CRB1: variants seen among roughly 807,000 people sequenced by gnomAD.
CRB1 encodes the protein crumbs cell polarity complex component 1.
CRB1 carries 83 observed loss-of-function variants against 120.0 expected under a neutral mutation model. That is an observed-to-expected ratio of 0.69 (90% CI 0.58 to 0.83). The LOEUF is 0.83. Among genes scored for constraint, CRB1 ranks in the 40% least tolerant of loss-of-function variants. The pLI, the probability that CRB1 is intolerant of heterozygous loss-of-function variation, is 0.00. For missense variants in CRB1, 1,699 were observed against 1,687.6 expected (o/e 1.01, Z -0.12); for synonymous variants, 625 against 612.5 (o/e 1.02, Z -0.30).
chr1:197,252,538 TTATATATATATATATATA>T, the CRB1 span, among the ~76,000 whole-genome samples: 14 of 27,820 alleles, frequency 5.0e-4, no homozygotes, highest in East Asian at 3.2e-3. Context: ...CCAATAGATT[TTATATATATATATATATA>T]TATATATATA....
chr1:197,318,620 AT>A (rs1326824767), intron 1 of CRB1, among the ~76,000 whole-genome samples: 1 of 152,206 alleles, frequency 6.6e-6, no homozygotes, highest in Non-Finnish European at 1.5e-5. Flanking sequence ...CAATTTTTAA[AT>A]GGATTTAAAA....
chr1:197,335,296 T>C (rs1659087503), intron 2 of CRB1, among the ~76,000 whole-genome samples: 1 of 152,168 alleles, frequency 6.6e-6, no homozygotes, highest in Non-Finnish European at 1.5e-5. Context: ...TGGGATGTTA[T>C]TGGAGAGTTC....
At chr1:197,261,418 A>G in the CRB1 span, among the ~76,000 whole-genome samples, 1 of 152,276 alleles carries the variant, frequency 6.6e-6, no homozygotes, top group African/African-American at 2.4e-5. Flanking sequence ...GCCGCGTGGC[A>G]TTAAAAAGTA....
At chr1:197,269,293 A>T (rs1182434376) in intron 1 of CRB1, among the ~76,000 whole-genome samples, 4 of 152,224 alleles carry the variant, frequency 2.6e-5, no homozygotes, top group Non-Finnish European at 5.9e-5. Context: ...GTTGAACAAG[A>T]CAACTTGGCA....
In CRB1 at chr1:197,477,745, A is replaced by G; in HGVS notation, c.4087A>G (p.Ile1363Val). The change falls in exon 12 of 12, where the codon ATT (isoleucine) becomes GTT (valine). Residue 1363 changes from isoleucine to valine, a missense_variant. Transcript: ENST00000367400. ...VALLLILLLA[I>V]VASVVTSNKR... Reference sequence around the variant, plus strand: ...CTTGTTACTGATCCTCTTGCTGGCCATTGTTGCTTCTGTTGTCACCTCCAA... The same window carrying G: ...CTTGTTACTGATCCTCTTGCTGGCCGTTGTTGCTTCTGTTGTCACCTCCAA... 6.2e-7 allele frequency: 1 copy of G among 1,613,880 alleles called. No homozygotes were observed. The highest frequency in any genetic ancestry group is 1.3e-5 in the African/African-American group (1 of 75,024).
chr1:197,440,080 G>A (rs886821008), intron 10 of CRB1: 3 of 152,082 alleles, frequency 2.0e-5, no homozygotes, highest in East Asian at 1.9e-4. Context: ...AACTGAGATC[G>A]TTTAGTTGTA....
chr1:197,394,470 G>A (rs1168169950), intron 5 of CRB1, among the ~76,000 whole-genome samples: 1 of 151,810 alleles, frequency 6.6e-6, no homozygotes, highest in African/African-American at 2.4e-5. Context: ...CGGCATCCCA[G>A]CCCCCATGAT....
At chr1:197,247,938 G>A in the CRB1 span, among the ~76,000 whole-genome samples, 1 of 151,834 alleles carries the variant, frequency 6.6e-6, no homozygotes, top group Admixed American at 6.6e-5. Flanking sequence ...ATTAAATCTA[G>A]AAACATAGAT....
At chr1:197,469,746 C>T (rs753053220) in intron 11 of CRB1, among the ~76,000 whole-genome samples, 30 of 152,200 alleles carry the variant, frequency 2.0e-4, no homozygotes, top group Non-Finnish European at 3.5e-4. Flanking sequence ...TCACATGTAG[C>T]AAATGATAGC....
In CRB1 at chr1:197,456,428, C is replaced by T. The variant is rs528219181; in HGVS notation, c.4005+14136C>T. On this transcript the variant is annotated intron_variant, in intron 11 of 11. Coordinates refer to ENST00000367400, the MANE Select transcript of CRB1 (RefSeq NM_201253.3). ...GTGTGAATGTTTTTATTCATCCTGCCCCATAGTTACTGAAATTAAGATGAA... is the reference window on the plus strand; with the variant it reads ...GTGTGAATGTTTTTATTCATCCTGCTCCATAGTTACTGAAATTAAGATGAA... Among the ~76,000 whole-genome samples the T allele has an allele frequency of 1.3e-4, 19 of 151,912 alleles. No homozygotes were observed. The South Asian group carries it at 4.0e-3, about 32-fold the overall frequency.
chr1:197,404,441 CAAAAAA>C (rs558125777), intron 5 of CRB1, among the ~76,000 whole-genome samples: 2 of 58,718 alleles, frequency 3.4e-5, no homozygotes, highest in African/African-American at 1.2e-4. Flanking sequence ...GACTCCGTCT[CAAAAAA>C]AAAAAAAAAA....
intron 2 of CRB1, among the ~76,000 whole-genome samples, chr1:197,338,083 CA>C (rs1198760864): frequency 2.6e-5 from 4 of 151,696 alleles, no homozygotes; most frequent in Non-Finnish European, 5.9e-5. Flanking sequence ...AAAATTAAAG[CA>C]TAAACCATTC....
rs757342815 is a variant in CRB1, at chr1:197,477,751, G to A, written c.4093G>A (p.Ala1365Thr). 4 of 1,613,740 alleles carry A rather than the reference G, an allele frequency of 2.5e-6. No individual in the cohort carries two copies. The African/African-American group carries it at 5.3e-5, about 22-fold the overall frequency. Residue 1365 changes from alanine (A) to threonine (T), a missense_variant, in exon 12 of 12, where the codon GCT (alanine) becomes ACT (threonine). Physicochemically the swap from Ala to Thr is moderately conservative, Grantham distance 58. Transcript: ENST00000367400. ...ACTGATCCTCTTGCTGGCCATTGTTGCTTCTGTTGTCACCTCCAACAAAAG... is the reference window on the plus strand; with the variant it reads ...ACTGATCCTCTTGCTGGCCATTGTTACTTCTGTTGTCACCTCCAACAAAAG... ...LLLILLLAIV[A>T]SVVTSNKRAT...
chr1:197,362,649 C>T (rs1452176217), intron 5 of CRB1, among the ~76,000 whole-genome samples: 2 of 151,884 alleles, frequency 1.3e-5, no homozygotes, highest in East Asian at 1.9e-4. Context: ...TCTTTTCTTG[C>T]TTTGAAATCT....
At chr1:197,308,974 A>G (rs1472217031) in intron 1 of CRB1, among the ~76,000 whole-genome samples, 1 of 150,974 alleles carries the variant, frequency 6.6e-6, no homozygotes, top group East Asian at 1.9e-4. Flanking sequence ...ATGTGGGTAT[A>G]TATGCATGTA....
chr1:197,409,793 CTT>C (rs200830339), intron 5 of CRB1, among the ~76,000 whole-genome samples: 8 of 151,222 alleles, frequency 5.3e-5, no homozygotes, highest in Non-Finnish European at 1.0e-4. Context: ...AGTTCTTTCT[CTT>C]TTTTTTTGAG....
At chr1:197,453,906 AAT>A (rs1233476894) in intron 11 of CRB1, among the ~76,000 whole-genome samples, 417 of 36,454 alleles carry the variant, frequency 0.011, 7 homozygotes, top group African/African-American at 0.04. Flanking sequence ...TTATATTATT[AAT>A]ATATATTATT....
rs2125506459 is a variant in CRB1, at chr1:197,438,659, G to A, written c.3862G>A (p.Gly1288Ser). 2 of 1,612,192 alleles carry A rather than the reference G, an allele frequency of 1.2e-6. No homozygotes were observed. Among genetic ancestry groups the A allele is most frequent in the South Asian group, 1.1e-5 (1 of 91,054 alleles). The change falls in exon 10 of 12, where the codon GGT becomes AGT. Residue 1288 changes from glycine to serine, a missense_variant. Transcript: ENST00000367400. Reference sequence around the variant, plus strand: ...TGAATTAAAATGTATGTGCCGGCCAGGTTTTACTGGAGAATGGTGAGTCAC... The same window carrying A: ...TGAATTAAAATGTATGTGCCGGCCAAGTTTTACTGGAGAATGGTGAGTCAC... ...QTELKCMCRP[G>S]FTGEWCEKDI...
At chr1:197,306,074 C>T (rs994182650) in intron 1 of CRB1, among the ~76,000 whole-genome samples, 13 of 152,070 alleles carry the variant, frequency 8.5e-5, no homozygotes, top group East Asian at 5.8e-4. Flanking sequence ...TGCCTGGAAA[C>T]GAACAGCACC....
Sources: gnomAD v4.1 joint callset for allele counts (sites outside exome capture counted in the v4.1 genomes callset) on GRCh38, gnomAD v4.1.1 for gene constraint, MANE v1.5 for transcripts, NCBI Gene and HGNC (gene_info 2026-07-23, HGNC 2026-07-21) for gene names.